Variants in SLC1A1 observed in about 807,000 individuals in gnomAD.
SLC1A1 encodes excitatory amino acid transporter 3.
In SLC1A1, 43 loss-of-function variants were observed where a neutral mutation model predicts 53.3. That is an observed-to-expected ratio of 0.81 (90% CI 0.63 to 1.04). The LOEUF is 1.04. Among genes scored for constraint, SLC1A1 ranks in the 50% least tolerant of loss-of-function variants. SLC1A1 has a pLI of 0.00. For missense variants in SLC1A1, 748 were observed against 664.9 expected, an observed-to-expected ratio of 1.12 and a Z score of -1.37; for synonymous variants, 307 against 243.2, an observed-to-expected ratio of 1.26 and a Z score of -2.44.
At position 4,583,079 on chromosome 9, in the gene SLC1A1, C is replaced by T; in HGVS notation, c.1235C>T (p.Pro412Leu). 5 of 1,614,196 alleles carry T rather than the reference C, an allele frequency of 3.1e-6. No individual in the cohort carries two copies. The highest frequency in any genetic ancestry group is 4.2e-6 in the Non-Finnish European group (5 of 1,180,024). Residue 412 changes from proline to leucine, a missense_variant, in exon 11 of 12, where the codon CCC (proline) becomes CTC (leucine). Pro to Leu is a moderately conservative substitution (Grantham distance 98). Coordinates refer to ENST00000262352, the MANE Select transcript of SLC1A1 (RefSeq NM_004170.6). The surrounding 1 kb of genome is among the most constrained non-coding windows in gnomAD (Gnocchi z 4.6). The part of the protein sequence containing the change: ...TSASIGAAGV[P>L]QAGLVTMVIV... Reference sequence around the variant, plus strand: ...GCCAGCATCGGAGCTGCTGGCGTGCCCCAGGCTGGCCTGGTGACCATGGTG... The same window carrying T: ...GCCAGCATCGGAGCTGCTGGCGTGCTCCAGGCTGGCCTGGTGACCATGGTG...
intron 1 of SLC1A1, among the ~76,000 whole-genome samples, chr9:4,516,070 C>G (rs10814997): frequency 3.3e-5 from 5 of 152,032 alleles, no homozygotes; most frequent in African/African-American, 4.8e-5. Flanking sequence ...GAGAGCCACA[C>G]TGGTACAGGA....
At chr9:4,505,045 CTTTTTT>C (rs3038189) in intron 1 of SLC1A1, among the ~76,000 whole-genome samples, 2,760 of 114,998 alleles carry the variant, frequency 0.024, 92 homozygotes, top group African/African-American at 0.085. Flanking sequence ...ACATATATTT[CTTTTTT>C]TTTTTTTTTT....
At chr9:4,524,224 C>G (rs1460115553) in intron 1 of SLC1A1, among the ~76,000 whole-genome samples, 1 of 152,140 alleles carries the variant, frequency 6.6e-6, no homozygotes, top group African/African-American at 2.4e-5. Context: ...GTGGAACTCT[C>G]AATTTTAATA....
Position 4,585,703 on chromosome 9 carries a change from G to C in SLC1A1, c.*145G>C. The C allele has an allele frequency of 1.9e-6, 2 of 1,065,022 alleles. No individual in the cohort carries two copies. The highest frequency in any genetic ancestry group is 1.4e-5 in the South Asian group (1 of 70,132). 66.0% of individuals were successfully genotyped at this position (1,065,022 alleles called of 1,614,324 possible). On this transcript the variant is annotated 3_prime_UTR_variant, in exon 12 of 12. Transcript: ENST00000262352. Reference sequence around the variant, plus strand: ...ACCTCCAGATTATTTTCTATATTTGGATTCACAGCCTTTGCGCTCTGGGTT... The same window carrying C: ...ACCTCCAGATTATTTTCTATATTTGCATTCACAGCCTTTGCGCTCTGGGTT...
chr9:4,568,198 T>G (rs1458061708), intron 6 of SLC1A1, among the ~76,000 whole-genome samples: 1 of 151,950 alleles, frequency 6.6e-6, no homozygotes, highest in Non-Finnish European at 1.5e-5. Flanking sequence ...GGCGGGAGGA[T>G]CGCTTGAGCC....
chr9:4,521,486 G>T (rs923958602), intron 1 of SLC1A1, among the ~76,000 whole-genome samples: 1 of 152,190 alleles, frequency 6.6e-6, no homozygotes, highest in African/African-American at 2.4e-5. Context: ...GAGGAAGCTT[G>T]TGGGTTTATC....
chr9:4,513,387 T>C lies in SLC1A1; in HGVS notation c.91+22617T>C, dbSNP rs76164720. On this transcript the variant is annotated intron_variant, in intron 1 of 11. Transcript: ENST00000262352. ...AAAACAAATGATCAAACTTTAAAAA[T>C]AGGCAAAACCTGAACAGACACTTCA... is the stretch of plus-strand genomic sequence containing the variant. 2.1e-3 allele frequency among the ~76,000 whole-genome samples: 317 copies of C among 152,222 alleles called. 1 individual carries two copies. The highest frequency in any genetic ancestry group is 6.8e-3 in the Middle Eastern group (2 of 294).
chr9:4,582,800 G>A (rs1467988712), intron 10 of SLC1A1, among the ~76,000 whole-genome samples: 1 of 152,088 alleles, frequency 6.6e-6, no homozygotes, highest in East Asian at 1.9e-4. Context: ...TTAGAGTGAT[G>A]TGCCATATCT....
chr9:4,573,804 T>C (rs1048206961), intron 7 of SLC1A1, 103 bp from the exon 8 acceptor site: 31 of 806,898 alleles, frequency 3.8e-5, no homozygotes, highest in Non-Finnish European at 6.0e-5. Context: ...CAAGTGTGCA[T>C]GCCAAGCTGA....
chr9:4,577,960 C>G (rs183618274), intron 10 of SLC1A1, among the ~76,000 whole-genome samples: 1 of 152,044 alleles, frequency 6.6e-6, no homozygotes, highest in Admixed American at 6.6e-5. Context: ...GGGTGAAAGG[C>G]GAGGGAATGC....
intron 1 of SLC1A1, among the ~76,000 whole-genome samples, chr9:4,501,713 G>A (rs969852068): frequency 4.6e-5 from 7 of 151,572 alleles, no homozygotes; most frequent in South Asian, 2.1e-4. Context: ...GCAGTGAGCC[G>A]AGATCACGCC....
intron 2 of SLC1A1, chr9:4,554,366 C>T (rs1174955527): frequency 6.6e-6 from 1 of 152,202 alleles, no homozygotes; most frequent in Non-Finnish European, 1.5e-5. Flanking sequence ...AGCTAGGTCT[C>T]CTGCCTTCAT....
chr9:4,581,441 G>A (rs1350910991), intron 10 of SLC1A1, among the ~76,000 whole-genome samples: 1 of 152,224 alleles, frequency 6.6e-6, no homozygotes. Flanking sequence ...TCAAACAGCA[G>A]TAGTCTGGTA....
intron 1 of SLC1A1, among the ~76,000 whole-genome samples, chr9:4,535,382 C>CA (rs529894921): frequency 6.6e-6 from 1 of 151,864 alleles, no homozygotes. Context: ...AATCAATGTG[C>CA]AAAAAATCAC....
intron 1 of SLC1A1, among the ~76,000 whole-genome samples, chr9:4,529,611 A>C (rs1199527056): frequency 6.6e-6 from 1 of 152,218 alleles, no homozygotes; most frequent in Non-Finnish European, 1.5e-5. Flanking sequence ...GAATATGCAG[A>C]TGAATGAATA....
chr9:4,528,309 A>G (rs1479266625), intron 1 of SLC1A1, among the ~76,000 whole-genome samples: 2 of 152,208 alleles, frequency 1.3e-5, no homozygotes, highest in Non-Finnish European at 1.5e-5. Flanking sequence ...ACAGTGGCTC[A>G]TGCCTGTAAT....
At chr9:4,573,299 T>C (rs16921510) in intron 7 of SLC1A1, among the ~76,000 whole-genome samples, 10,307 of 152,186 alleles carry the variant, frequency 0.068, 1,159 homozygotes, top group African/African-American at 0.23. Flanking sequence ...TCAGTAAAAA[T>C]GGCAAGGCAG....
chr9:4,529,694 G>T lies in SLC1A1; in HGVS notation c.92-14873G>T, dbSNP rs61655593. Reference sequence around the variant, plus strand: ...CATCAGTCAAAATGAAACTTTTTTTGTGTGTGTGTGTGTGTTGTAGAGATG... The same window carrying T: ...CATCAGTCAAAATGAAACTTTTTTTTTGTGTGTGTGTGTGTTGTAGAGATG... On this transcript the variant is annotated intron_variant, in intron 1 of 11. Coordinates refer to ENST00000262352, the MANE Select transcript of SLC1A1 (RefSeq NM_004170.6). Among the ~76,000 whole-genome samples the T allele has an allele frequency of 6.1e-3, 924 of 151,882 alleles. 5 individuals carry two copies. Among genetic ancestry groups the T allele is most frequent in the Middle Eastern group, 0.024 (7 of 292 alleles).
intron 1 of SLC1A1, among the ~76,000 whole-genome samples, chr9:4,521,295 C>G (rs1816062968): frequency 6.6e-6 from 1 of 152,164 alleles, no homozygotes; most frequent in African/African-American, 2.4e-5. Context: ...GTACTACCTC[C>G]TATTTACCCA....
Sources: allele counts gnomAD v4.1 joint callset (sites outside exome capture counted in the v4.1 genomes callset), GRCh38; gene constraint gnomAD v4.1.1; non-coding constraint Gnocchi (gnomAD v3.1); transcripts MANE v1.5; gene names NCBI Gene and HGNC (gene_info 2026-07-23, HGNC 2026-07-21).